The following ALPK3 variants were observed in gnomAD, a reference collection of about 807,000 sequenced individuals.
The protein encoded by ALPK3 is alpha kinase 3.
In ALPK3, 102 loss-of-function variants were observed where a neutral mutation model predicts 140.0. The observed-to-expected ratio is 0.73, with a 90% CI of 0.62 to 0.86. ALPK3 has a LOEUF of 0.86. ALPK3 is among the 40% of genes least tolerant of loss of function. The pLI is 0.00. For synonymous variants in ALPK3, 938 were observed against 898.5 expected (o/e 1.04, Z -0.79); for missense variants, 2,254 against 2,208.2 (o/e 1.02, Z -0.42).
intron 1 of ALPK3, among the ~76,000 whole-genome samples, chr15:84,820,462 C>A (rs1186675459): frequency 6.6e-6 from 1 of 152,024 alleles, no homozygotes; most frequent in African/African-American, 2.4e-5. Flanking sequence ...CTACTTCACT[C>A]TTTTATGTAT....
At chr15:84,839,610 G>A (rs2141556040) in intron 4 of ALPK3, 92 bp from the exon 5 acceptor site, 1 of 1,399,200 alleles carries the variant, frequency 7.1e-7, no homozygotes. Flanking sequence ...GGAGGGGGAA[G>A]TGTGCCCGGC....
At chr15:84,827,713 A>G (rs1342045371) in intron 3 of ALPK3, 108 bp downstream of exon 3, 3 of 1,424,574 alleles carry the variant, frequency 2.1e-6, no homozygotes, top group East Asian at 2.4e-5. Context: ...GCACAAAACT[A>G]CGTGAGGTGA....
At position 84,857,913 on chromosome 15, in the gene ALPK3, C is replaced by T. The variant is rs749465164; in HGVS notation, c.3175C>T (p.Arg1059Ter). The T allele has an allele frequency of 7.2e-5, 116 of 1,610,920 alleles. No homozygotes were observed. Among genetic ancestry groups the T allele is most frequent in the Non-Finnish European group, 8.8e-5 (104 of 1,179,130 alleles). ...QAGRQALAAARGSWGPGPSSL... is the reference protein window; with the variant it reads ...QAGRQALAAA The stretch of plus-strand genomic sequence containing the variant: ...TGGCCGCCAGGCCCTTGCTGCTGCC[C>T]GAGGCTCCTGGGGTCCTGGTCCCAG... The change falls in exon 6 of 14, where the codon CGA (arginine) becomes TGA (stop). Residue 1059 changes from arginine (R) to a stop codon, truncating the protein, a stop_gained. Transcript: ENST00000258888. LOFTEE classifies it high-confidence loss of function.
At chr15:84,853,552 T>A (rs187882922) in intron 5 of ALPK3, among the ~76,000 whole-genome samples, 1 of 152,204 alleles carries the variant, frequency 6.6e-6, no homozygotes, top group East Asian at 1.9e-4. Flanking sequence ...AGGTAGAGGT[T>A]CCAGTCAGCC....
intron 1 of ALPK3, among the ~76,000 whole-genome samples, chr15:84,820,341 C>A (rs1162614130): frequency 6.6e-6 from 1 of 152,096 alleles, no homozygotes; most frequent in Non-Finnish European, 1.5e-5. Context: ...TTTTAGGGAA[C>A]CTGAGGTATC....
chr15:84,817,456 G>T lies in ALPK3; in HGVS notation c.4G>T (p.Gly2Trp). 1 of 1,340,518 alleles carries T rather than the reference G, an allele frequency of 7.5e-7. No individual in the cohort carries two copies. The highest frequency in any genetic ancestry group is 9.5e-7 in the Non-Finnish European group (1 of 1,053,080). 83.0% of individuals were successfully genotyped at this position (1,340,518 alleles called of 1,614,324 possible). MGSRRAPSRGWG... is the reference protein window; with the variant it reads MWSRRAPSRGWG... ...GGCGGTCGGGGAGGGCGGTGCCATG[G>T]GGTCGCGGAGGGCCCCCAGCCGGGG... The change falls in exon 1 of 14, where the codon GGG becomes TGG. Residue 2 changes from glycine to tryptophan, a missense_variant. Physicochemically the swap from Gly to Trp is radical, Grantham distance 184. Around this residue, in one of 3 missense-constraint regions of ALPK3, gnomAD observed 2,088 missense variants for 2,022.9 expected, o/e 1.03. Transcript: ENST00000258888.
chr15:84,827,940 C>T (rs1963507756), intron 3 of ALPK3, among the ~76,000 whole-genome samples: 1 of 152,210 alleles, frequency 6.6e-6, no homozygotes, highest in Non-Finnish European at 1.5e-5. Flanking sequence ...GGCCATCTCC[C>T]TGAGTATCCC....
chr15:84,839,680 C>A, intron 4 of ALPK3, 22 bp from the exon 5 acceptor site: 1 of 1,566,712 alleles, frequency 6.4e-7, no homozygotes. Flanking sequence ...GGAGAGGTGG[C>A]ACCTCCCGCT....
rs1963643331 is a variant in ALPK3 at position 84,840,148 on chromosome 15, A to G, written c.869A>G (p.His290Arg). 1 of 1,614,014 alleles carries G rather than the reference A, an allele frequency of 6.2e-7. No homozygotes were observed. Among genetic ancestry groups the G allele is most frequent in the Non-Finnish European group, 8.5e-7 (1 of 1,179,974 alleles). Residue 290 changes from histidine (H) to arginine (R), a missense_variant, in exon 5 of 14, where the codon CAT becomes CGT. This residue lies in a region of ALPK3 where 2,088 missense variants were observed against 2,022.9 expected (regional missense o/e 1.03). Coordinates refer to ENST00000258888, the MANE Select transcript of ALPK3 (RefSeq NM_020778.5). Reference sequence around the variant, plus strand: ...CCCGAGAATGGAGAGGACGGAGAGCATGGCTTGCTGACATACATCTGTGAC... The same window carrying G: ...CCCGAGAATGGAGAGGACGGAGAGCGTGGCTTGCTGACATACATCTGTGAC... ...AAPENGEDGE[H>R]GLLTYICDAM...
At chr15:84,828,401 G>A (rs764003959) in intron 3 of ALPK3, among the ~76,000 whole-genome samples, 6 of 152,276 alleles carry the variant, frequency 3.9e-5, no homozygotes, top group South Asian at 2.1e-4. Context: ...AGATCACCCA[G>A]TAGAGACTCC....
intron 1 of ALPK3, among the ~76,000 whole-genome samples, chr15:84,820,544 G>C (rs1963410537): frequency 6.6e-6 from 1 of 151,916 alleles, no homozygotes; most frequent in Non-Finnish European, 1.5e-5. Context: ...GCAGTGGCGT[G>C]ATCTCTGTTC....
chr15:84,835,323 C>T (rs1359671364), intron 3 of ALPK3, among the ~76,000 whole-genome samples: 4 of 152,134 alleles, frequency 2.6e-5, no homozygotes, highest in African/African-American at 7.2e-5. Context: ...TGTTCCTGGC[C>T]GACGCTGCTG....
intron 5 of ALPK3, among the ~76,000 whole-genome samples, chr15:84,846,952 C>A (rs1963737841): frequency 1.3e-5 from 2 of 151,882 alleles, no homozygotes; most frequent in South Asian, 2.1e-4. Flanking sequence ...ATTTTTAGTA[C>A]AGGGGTTTCA....
At chr15:84,837,311 C>T (rs968842052) in intron 3 of ALPK3, among the ~76,000 whole-genome samples, 10 of 152,152 alleles carry the variant, frequency 6.6e-5, no homozygotes, top group African/African-American at 9.7e-5. Flanking sequence ...GATGCAGGAG[C>T]GAGCAGGAAT....
At chr15:84,836,577 T>G (rs1271305737) in intron 3 of ALPK3, among the ~76,000 whole-genome samples, 2 of 152,232 alleles carry the variant, frequency 1.3e-5, no homozygotes, top group African/African-American at 4.8e-5. Context: ...GGTTTTGGCC[T>G]GAGCCAAATA....
chr15:84,850,292 T>C (rs1963788041), intron 5 of ALPK3, among the ~76,000 whole-genome samples: 1 of 152,236 alleles, frequency 6.6e-6, no homozygotes, highest in African/African-American at 2.4e-5. Flanking sequence ...TAAACCATAC[T>C]ATTTTTCATT....
rs1273481685 is a variant in ALPK3 at position 84,859,368 on chromosome 15, C to G, written c.3943C>G (p.Pro1315Ala). 2 of 1,614,016 alleles carry G rather than the reference C, an allele frequency of 1.2e-6. No individual in the cohort carries two copies. The highest frequency in any genetic ancestry group is 2.7e-5 in the African/African-American group (2 of 74,926). ...SVLTWAKDQR[P>A]VGEVGRSAGD... ...CTTGACATGGGCCAAGGATCAGCGC[C>G]CAGTGGGCGAGGTGGGCAGGAGGTA... The change falls in exon 7 of 14, where the codon CCA becomes GCA. Residue 1315 changes from proline to alanine, a missense_variant. Physicochemically the swap from Pro to Ala is conservative, Grantham distance 27 (BLOSUM62 -1). This residue lies in a region of ALPK3 where 2,088 missense variants were observed against 2,022.9 expected (regional missense o/e 1.03). Transcript: ENST00000258888.
intron 1 of ALPK3, among the ~76,000 whole-genome samples, chr15:84,821,919 G>A (rs1963429338): frequency 6.6e-6 from 1 of 152,164 alleles, no homozygotes; most frequent in Admixed American, 6.5e-5. Flanking sequence ...CAGGGGTCAG[G>A]AAGGACTGTT....
chr15:84,836,469 A>C (rs1963598493), intron 3 of ALPK3, among the ~76,000 whole-genome samples: 1 of 152,198 alleles, frequency 6.6e-6, no homozygotes, highest in Admixed American at 6.5e-5. Flanking sequence ...GGGAATGGCA[A>C]GGAGTGATCA....
Sources: allele counts gnomAD v4.1 joint callset (sites outside exome capture counted in the v4.1 genomes callset), GRCh38; gene constraint gnomAD v4.1.1; regional missense constraint gnomAD v4.1.1; transcripts MANE v1.5; gene names NCBI Gene and HGNC (gene_info 2026-07-23, HGNC 2026-07-21).